Variants in CRYBG3 observed in about 807,000 individuals in gnomAD.
CRYBG3 encodes very large A-kinase anchor protein.
A neutral mutation model predicts 244.2 loss-of-function variants in CRYBG3; 127 were observed. That is an observed-to-expected ratio of 0.52 (90% CI 0.45 to 0.60). The LOEUF (loss-of-function observed/expected upper bound fraction) is 0.60, where lower values mean the gene tolerates loss of function less well. CRYBG3 is among the 20% of genes least tolerant of loss of function. The probability of loss-of-function intolerance (pLI) is 0.00; values close to 1 mark genes in which losing one functional copy is unlikely to be tolerated. For synonymous variants in CRYBG3, 1,132 were observed against 1,195.8 expected (o/e 0.95, Z 1.10); for missense variants, 3,325 against 3,442.5 (o/e 0.97, Z 0.85).
At position 97,877,300 on chromosome 3, in the gene CRYBG3, GT is replaced by G. The variant is rs760978243; in HGVS notation, c.6108del (p.Leu2037TrpfsTer22). The G allele has an allele frequency of 1.2e-6, 2 of 1,614,124 alleles. No individual in the cohort carries two copies. The highest frequency in any genetic ancestry group is 2.2e-5 in the South Asian group (2 of 91,082). Reference protein sequence around the residue: ...FHDTSADSMPVLACERSESRT... With the variant: ...FHDTSADSMPXLACERSESRT... ...TGATACGTCCGCTGACAGCATGCCT[GT>G]TCTGGCATGTGAAAGGTCTGAGAGT... On this transcript the variant is annotated frameshift_variant, in exon 4 of 22. Coordinates refer to ENST00000389622, the MANE Select transcript of CRYBG3 (RefSeq NM_153605.4). LOFTEE classifies it high-confidence loss of function.
At chr3:97,851,280 G>A (rs753629230) in intron 2 of CRYBG3, among the ~76,000 whole-genome samples, 9 of 152,086 alleles carry the variant, frequency 5.9e-5, no homozygotes, top group African/African-American at 1.7e-4. Context: ...CAAGTAATAC[G>A]CGGCAGCCAG....
intron 2 of CRYBG3, among the ~76,000 whole-genome samples, chr3:97,849,335 T>G (rs2038950848): frequency 6.6e-6 from 1 of 152,116 alleles, no homozygotes; most frequent in African/African-American, 2.4e-5. Context: ...GGCACATATT[T>G]GAAATATTGA....
Position 97,915,754 on chromosome 3 carries a change from TG to T in CRYBG3, c.8241+19del, listed in dbSNP as rs1409420328. 1.4e-5 allele frequency: 22 copies of T among 1,583,420 alleles called. 1 individual carries two copies. In the East Asian group the frequency reaches 4.9e-4, roughly 36 times the overall value. ...TTGACTATGTAAGTACTTTGCAAAA[TG>T]CATACTTATAAGATTCTTTTTCTTG... On this transcript the variant is annotated intron_variant, in intron 17 of 21. Coordinates refer to ENST00000389622, the MANE Select transcript of CRYBG3 (RefSeq NM_153605.4).
Position 97,944,358 on chromosome 3 carries a change from G to C in CRYBG3, c.*1044G>C, listed in dbSNP as rs1660429233. On this transcript the variant is annotated 3_prime_UTR_variant, in exon 22 of 22. Transcript: ENST00000389622. ...CTTTTACTGCACAATTCACAAGCAT[G>C]TTTTCCTGGTGAATTGGACTGAAAA... The C allele has an allele frequency of 6.6e-6, 1 of 152,224 alleles. No individual in the cohort carries two copies. The highest frequency in any genetic ancestry group is 2.1e-4 in the South Asian group (1 of 4,822). The allele number at this position is 152,224 out of a possible 1,614,324, so 9.4% of individuals were successfully genotyped here.
intron 14 of CRYBG3, among the ~76,000 whole-genome samples, 154 bp from the exon 15 acceptor site, chr3:97,900,299 G>T (rs918577161): frequency 2.0e-5 from 3 of 152,078 alleles, no homozygotes; most frequent in Non-Finnish European, 4.4e-5. Context: ...AGTGAGCTGA[G>T]ACTGTGCCAC....
chr3:97,890,018 G>A (rs2039557094), intron 10 of CRYBG3, among the ~76,000 whole-genome samples: 1 of 152,136 alleles, frequency 6.6e-6, no homozygotes, highest in Admixed American at 6.5e-5. Flanking sequence ...CACCTCCAGA[G>A]GCAGGTATGG....
rs754524099 is a variant in CRYBG3 at position 97,873,359 on chromosome 3, G to T, written c.2165G>T (p.Cys722Phe). Residue 722 changes from cysteine to phenylalanine, a missense_variant, in exon 4 of 22, where the codon TGC becomes TTC. Transcript: ENST00000389622. ...AGGAAGAGTCCTCCTCCTTCCTTTT[G>T]CCTTGAATATACATCTGCAATTTTT... ...AGRKSPPPSF[C>F]LEYTSAIFEF... 16 of 1,535,916 alleles carry T rather than the reference G, an allele frequency of 1.0e-5. No homozygotes were observed. The highest frequency in any genetic ancestry group is 1.7e-4 in the Middle Eastern group (1 of 5,990).
chr3:97,938,349 A>G (rs2040187120), intron 19 of CRYBG3, among the ~76,000 whole-genome samples: 1 of 152,090 alleles, frequency 6.6e-6, no homozygotes, highest in Non-Finnish European at 1.5e-5. Flanking sequence ...ACTTTCCATC[A>G]GCCTAAGATC....
intron 16 of CRYBG3, among the ~76,000 whole-genome samples, chr3:97,914,216 A>C (rs1046450190): frequency 1.3e-5 from 2 of 152,160 alleles, no homozygotes; most frequent in Non-Finnish European, 2.9e-5. Flanking sequence ...AAAACACATA[A>C]AGTAGGGCAG....
chr3:97,851,267 T>G (rs924832970), intron 2 of CRYBG3, among the ~76,000 whole-genome samples: 3 of 152,208 alleles, frequency 2.0e-5, no homozygotes, highest in Non-Finnish European at 4.4e-5. Context: ...TTGGCAAAAT[T>G]TCCAAGTAAT....
chr3:97,844,965 G>T (rs980756269), intron 2 of CRYBG3, among the ~76,000 whole-genome samples: 1 of 152,098 alleles, frequency 6.6e-6, no homozygotes, highest in Admixed American at 6.6e-5. Flanking sequence ...TAATAGAAAG[G>T]ATACCGTGGC....
At chr3:97,927,168 A>C (rs2040049531) in intron 17 of CRYBG3, among the ~76,000 whole-genome samples, 1 of 152,112 alleles carries the variant, frequency 6.6e-6, no homozygotes, top group Non-Finnish European at 1.5e-5. Flanking sequence ...TTCAAACTAT[A>C]TTACAAGGCT....
At chr3:97,822,386 C>G in intron 1 of CRYBG3, 31 bp downstream of exon 1, 3 of 1,445,640 alleles carry the variant, frequency 2.1e-6, no homozygotes, top group Non-Finnish European at 1.8e-6. Flanking sequence ...CGCGGGGGGG[C>G]CCTGCACATA....
chr3:97,834,882 G>A (rs1288381859), intron 1 of CRYBG3, among the ~76,000 whole-genome samples: 1 of 151,926 alleles, frequency 6.6e-6, no homozygotes, highest in South Asian at 2.1e-4. Flanking sequence ...CTTTTTGATA[G>A]TAATATTTGC....
chr3:97,836,983 A>G (rs917388479), intron 1 of CRYBG3: 1 of 152,150 alleles, frequency 6.6e-6, no homozygotes, highest in African/African-American at 2.4e-5. Context: ...CAGAGATCTC[A>G]TATCAGCTGG....
intron 3 of CRYBG3, 114 bp downstream of exon 3, chr3:97,864,761 C>T (rs1427552647): frequency 4.4e-6 from 3 of 680,816 alleles, no homozygotes; most frequent in East Asian, 2.7e-5. Context: ...CTGTAGTGTC[C>T]CTACTACTGG....
intron 11 of CRYBG3, 123 bp from the exon 12 acceptor site, chr3:97,895,836 C>T: frequency 1.3e-6 from 1 of 789,748 alleles, no homozygotes; most frequent in Non-Finnish European, 2.0e-6. Flanking sequence ...TGAAACAAAA[C>T]TAATGTGTTG....
At chr3:97,844,799 CTT>C (rs1370539921) in intron 2 of CRYBG3, among the ~76,000 whole-genome samples, 2 of 152,114 alleles carry the variant, frequency 1.3e-5, no homozygotes, top group African/African-American at 4.8e-5. Flanking sequence ...TGCTAACAAT[CTT>C]TTCCATCCAT....
chr3:97,942,875 T>C (rs1008173712), intron 21 of CRYBG3: 7 of 246,306 alleles, frequency 2.8e-5, no homozygotes, highest in Non-Finnish European at 5.3e-5. Flanking sequence ...TCATGGCTGT[T>C]GCTTTAATTG....
Sources: gnomAD v4.1 joint callset for allele counts (sites outside exome capture counted in the v4.1 genomes callset) on GRCh38, gnomAD v4.1.1 for gene constraint, MANE v1.5 for transcripts, NCBI Gene and HGNC (gene_info 2026-07-23, HGNC 2026-07-21) for gene names.